Variants in RHPN2 observed in about 807,000 individuals in gnomAD.
The protein encoded by RHPN2 is rhophilin Rho GTPase binding protein 2, also known as rhophilin-2.
RHPN2 carries 40 observed loss-of-function variants against 79.0 expected under a neutral mutation model. The ratio of observed to expected loss-of-function variants is 0.51; its 90% CI spans 0.39 to 0.66. The LOEUF (loss-of-function observed/expected upper bound fraction) is 0.66. RHPN2 is among the 30% of genes least tolerant of loss of function. The pLI, the probability that RHPN2 is intolerant of heterozygous loss-of-function variation, is 0.00. For missense variants in RHPN2, 686 were observed against 883.5 expected, an observed-to-expected ratio of 0.78 and a Z score of 2.83; for synonymous variants, 285 against 363.5, an observed-to-expected ratio of 0.78 and a Z score of 2.46.
intron 7 of RHPN2, among the ~76,000 whole-genome samples, chr19:33,005,412 CAAA>C (rs766044835): frequency 1.6e-4 from 10 of 62,702 alleles, no homozygotes; most frequent in African/African-American, 4.6e-4. Flanking sequence ...GATTCTGTCT[CAAA>C]AAAAAAAAAA....
chr19:33,040,846 C>G (rs563856484), intron 2 of RHPN2, among the ~76,000 whole-genome samples: 1 of 151,838 alleles, frequency 6.6e-6, no homozygotes, highest in South Asian at 2.1e-4. Context: ...CCCAGCTACT[C>G]GGGAGGCTGA....
At chr19:33,023,333 G>T (rs1225839807) in intron 3 of RHPN2, among the ~76,000 whole-genome samples, 2 of 151,752 alleles carry the variant, frequency 1.3e-5, no homozygotes, top group Admixed American at 6.6e-5. Context: ...TACTCAGGAG[G>T]CTGAGGCAGG....
intron 1 of RHPN2, among the ~76,000 whole-genome samples, chr19:33,049,364 G>C (rs771555488): frequency 2.7e-4 from 41 of 151,904 alleles, no homozygotes; most frequent in Non-Finnish European, 3.8e-4. Flanking sequence ...GTGTAATAAC[G>C]AGACCTTAGC....
chr19:33,036,561 G>A (rs910987748), intron 2 of RHPN2, among the ~76,000 whole-genome samples: 1 of 152,160 alleles, frequency 6.6e-6, no homozygotes, highest in Admixed American at 6.5e-5. Context: ...CCTTCAGCCC[G>A]CCGCTGCACT....
intron 4 of RHPN2, among the ~76,000 whole-genome samples, chr19:33,014,687 A>C (rs1029922752): frequency 1.8e-4 from 27 of 151,972 alleles, no homozygotes; most frequent in African/African-American, 6.3e-4. Flanking sequence ...TGGGAGGCTG[A>C]GGTAGGTAGA....
intron 4 of RHPN2, among the ~76,000 whole-genome samples, chr19:33,013,592 T>A (rs1191899671): frequency 1.3e-5 from 2 of 152,126 alleles, no homozygotes; most frequent in Admixed American, 1.3e-4. Context: ...GTGGCTCACG[T>A]CTGTAATCCC....
At position 33,001,456 on chromosome 19, in the gene RHPN2, C is replaced by T. The variant is rs1033518118; in HGVS notation, c.1105+791G>A. Among the ~76,000 whole-genome samples the T allele has an allele frequency of 6.6e-5, 10 of 152,138 alleles. No homozygotes were observed. The East Asian group carries it at 9.7e-4, about 15-fold the overall frequency. ...ATTTGGGAGGCTGAATTGGGAGGATCGCTTGAGCCCAGGAGTTCAAGAAGG... is the reference window on the plus strand; with the variant it reads ...ATTTGGGAGGCTGAATTGGGAGGATTGCTTGAGCCCAGGAGTTCAAGAAGG... On this transcript the variant is annotated intron_variant, in intron 9 of 14. Coordinates refer to ENST00000254260, the MANE Select transcript of RHPN2 (RefSeq NM_033103.5).
At chr19:32,985,960 G>A (rs10403940) in intron 14 of RHPN2, among the ~76,000 whole-genome samples, 9,513 of 152,268 alleles carry the variant, frequency 0.062, 334 homozygotes, top group Middle Eastern at 0.14. Flanking sequence ...AAAAATTAAA[G>A]AGGACCTGCT....
intron 2 of RHPN2, among the ~76,000 whole-genome samples, chr19:33,037,147 A>G (rs970080673): frequency 2.6e-5 from 4 of 152,140 alleles, no homozygotes; most frequent in Admixed American, 6.6e-5. Flanking sequence ...ATCTAGCTCA[A>G]GGTTTGTAAA....
intron 1 of RHPN2, among the ~76,000 whole-genome samples, chr19:33,046,731 G>A (rs1972145735): frequency 3.3e-5 from 5 of 152,184 alleles, no homozygotes; most frequent in Admixed American, 3.3e-4. Context: ...TACCTTATGT[G>A]TGTGCTGTCT....
At position 32,988,593 on chromosome 19, in the gene RHPN2, T is replaced by C. The variant is rs181225204; in HGVS notation, c.1800+1921A>G. 3.1e-3 allele frequency among the ~76,000 whole-genome samples: 449 copies of C among 145,252 alleles called. 5 individuals carry two copies. The highest frequency in any genetic ancestry group is 0.011 in the African/African-American group (420 of 38,868). On this transcript the variant is annotated intron_variant, in intron 14 of 14. Coordinates refer to ENST00000254260, the MANE Select transcript of RHPN2 (RefSeq NM_033103.5). ...ACCATTGCCGCCAAGGCCTCCTTCT[T>C]ACCTCACTTCCCATGGCTCCCTTCC...
intron 1 of RHPN2, among the ~76,000 whole-genome samples, chr19:33,063,618 G>T (rs948510713): frequency 6.6e-6 from 1 of 152,202 alleles, no homozygotes; most frequent in Non-Finnish European, 1.5e-5. Context: ...AGGGAGGAAG[G>T]CTTGGAAGGC....
chr19:32,986,251 C>T (rs1971612381), intron 14 of RHPN2, among the ~76,000 whole-genome samples: 1 of 152,212 alleles, frequency 6.6e-6, no homozygotes, highest in South Asian at 2.1e-4. Flanking sequence ...AAAGTCAAGC[C>T]TTTGCACCTC....
Position 33,041,404 on chromosome 19 carries a change from T to C in RHPN2, c.185+2845A>G, listed in dbSNP as rs115105766. On this transcript the variant is annotated intron_variant, in intron 2 of 14. Coordinates refer to ENST00000254260, the MANE Select transcript of RHPN2 (RefSeq NM_033103.5). Reference sequence around the variant, plus strand: ...TGCCCTATTTGTTTTCGGGAAACCGTTGGTGCTTGTTGAGTCAGATTAATA... The same window carrying C: ...TGCCCTATTTGTTTTCGGGAAACCGCTGGTGCTTGTTGAGTCAGATTAATA... Among the ~76,000 whole-genome samples the C allele has an allele frequency of 5.9e-3, 899 of 152,328 alleles. 7 individuals are homozygous for C. Among genetic ancestry groups the C allele is most frequent in the African/African-American group, 0.021 (869 of 41,586 alleles).
intron 1 of RHPN2, among the ~76,000 whole-genome samples, chr19:33,061,499 A>G (rs10403238): frequency 0.42 from 61,783 of 147,610 alleles, 16,139 homozygotes; most frequent in African/African-American, 0.73. Flanking sequence ...TTTGGGTTGC[A>G]GGGGTACGGA....
At chr19:32,995,448 T>C (rs1351738108) in intron 11 of RHPN2, among the ~76,000 whole-genome samples, 2 of 152,092 alleles carry the variant, frequency 1.3e-5, no homozygotes, top group African/African-American at 4.8e-5. Flanking sequence ...CACTGACAGC[T>C]ACATACCCCC....
At chr19:33,010,517 C>T (rs973292294) in intron 6 of RHPN2, among the ~76,000 whole-genome samples, 3 of 147,932 alleles carry the variant, frequency 2.0e-5, no homozygotes, top group African/African-American at 5.0e-5. Flanking sequence ...CAAGTAGCTG[C>T]GACTACAAGG....
At chr19:33,033,424 G>C (rs2145254869) in intron 2 of RHPN2, among the ~76,000 whole-genome samples, 1 of 152,228 alleles carries the variant, frequency 6.6e-6, no homozygotes, top group African/African-American at 2.4e-5. Context: ...AAATTATCTG[G>C]GCATGGGGGC....
At chr19:33,053,568 C>T (rs1171813077) in intron 1 of RHPN2, among the ~76,000 whole-genome samples, 4 of 151,498 alleles carry the variant, frequency 2.6e-5, no homozygotes, top group African/African-American at 9.7e-5. Flanking sequence ...GGATTACAGG[C>T]GCACACCACC....
Sources: allele counts gnomAD v4.1 joint callset (sites outside exome capture counted in the v4.1 genomes callset), GRCh38; gene constraint gnomAD v4.1.1; transcripts MANE v1.5; gene names NCBI Gene and HGNC (gene_info 2026-07-23, HGNC 2026-07-21).